CACTIN: variants seen among roughly 807,000 people sequenced by gnomAD.
The protein encoded by CACTIN is splicing factor Cactin.
Under a neutral mutation model 84.9 loss-of-function variants are expected in CACTIN, and 20 were observed. The ratio of observed to expected loss-of-function variants is 0.24; its 90% confidence interval spans 0.17 to 0.34. The LOEUF (loss-of-function observed/expected upper bound fraction) is 0.34. Ranked by LOEUF, CACTIN falls within the 10% of genes least tolerant of loss-of-function variation. The probability of loss-of-function intolerance (pLI) is 1.00; values close to 1 mark genes in which losing one functional copy is unlikely to be tolerated. For missense variants in CACTIN, 897 were observed against 1,117.2 expected (o/e 0.80, Z 2.81); for synonymous variants, 549 against 467.9 (o/e 1.17, Z -2.24).
rs965699374 is a variant in CACTIN, at chr19:3,613,361, C to G, written c.1483G>C (p.Glu495Gln). The G allele has an allele frequency of 2.6e-6, 4 of 1,517,348 alleles. No individual in the cohort carries two copies. The African/African-American group carries it at 5.6e-5, about 21-fold the overall frequency. 94.0% of individuals were successfully genotyped at this position (1,517,348 alleles called of 1,614,324 possible). A position where few individuals can be genotyped will look rare whatever the true frequency, so the allele number is the denominator to read the frequency against. ...QEPQSPSRSLEPEDAAPTPPG... is the reference protein window; with the variant it reads ...QEPQSPSRSLQPEDAAPTPPG... ...GGGGTGGGCGCCGCGTCCTCAGGCT[C>G]CAGGCTGGGAGGAGAGAGCGTTGGA... Residue 495 changes from glutamate to glutamine, a missense_variant, in exon 9 of 10, where the codon GAG (glutamate) becomes CAG (glutamine). Glu to Gln is a conservative substitution (Grantham distance 29). Coordinates refer to ENST00000429344, the MANE Select transcript of CACTIN (RefSeq NM_001080543.2).
Position 3,614,342 on chromosome 19 carries a change from C to T in CACTIN, c.1355+55G>A, listed in dbSNP as rs137954013. 4,129 of 1,521,514 alleles carry T rather than the reference C, an allele frequency of 2.7e-3. 116 individuals are homozygous for T. The East Asian group carries it at 0.052, about 19-fold the overall frequency. 94.3% of individuals were successfully genotyped at this position (1,521,514 alleles called of 1,614,324 possible). On this transcript the variant is annotated intron_variant, in intron 7 of 9. Coordinates refer to ENST00000429344, the MANE Select transcript of CACTIN (RefSeq NM_001080543.2). ...ACCCCACCCAGGACTCAGGAGGGGG[C>T]GAAACCCATCCCACCCGGACGGCAC...
intron 1 of CACTIN, among the ~76,000 whole-genome samples, chr19:3,625,316 G>T (rs1328681469): frequency 6.6e-6 from 1 of 152,158 alleles, no homozygotes; most frequent in Non-Finnish European, 1.5e-5. Context: ...TTAAATATTG[G>T]CCACAAGTTC....
intron 7 of CACTIN, chr19:3,613,810 G>A (rs2033038835): frequency 1.7e-6 from 1 of 594,968 alleles, no homozygotes; most frequent in Non-Finnish European, 2.9e-6. Flanking sequence ...CCATGGCAGG[G>A]AGAGGTGGGT....
rs1568289415 is a variant in CACTIN, at chr19:3,611,342, C to G, written c.*581G>C. 4.4e-6 allele frequency: 2 copies of G among 453,724 alleles called. No individual in the cohort carries two copies. The highest frequency in any genetic ancestry group is 7.0e-5 in the East Asian group (1 of 14,294). The allele number at this position is 453,724 out of a possible 1,614,324, so 28.1% of individuals were successfully genotyped here. A position where few individuals can be genotyped will look rare whatever the true frequency, so the allele number is the denominator to read the frequency against. On this transcript the variant is annotated 3_prime_UTR_variant, in exon 10 of 10. Coordinates refer to ENST00000429344, the MANE Select transcript of CACTIN (RefSeq NM_001080543.2). The stretch of plus-strand genomic sequence containing the variant: ...TCTGCAGTGGCGGATCGGGCGCCAG[C>G]AGGGTCCCGGCCTCAGTGCTGCCTG...
Position 3,618,423 on chromosome 19 carries a change from GA to G in CACTIN, c.1162+451del, listed in dbSNP as rs915738216. ...GTGACCATGTGTGTGCAACCACACGGAGGGGGGGGAAACGTGATTTTAAAAG... is the reference window on the plus strand; with the variant it reads ...GTGACCATGTGTGTGCAACCACACGGGGGGGGGGAAACGTGATTTTAAAAG... On this transcript the variant is annotated intron_variant, in intron 6 of 9. Transcript: ENST00000429344. Among the ~76,000 whole-genome samples the G allele has an allele frequency of 9.2e-4, 140 of 151,536 alleles. 1 individual carries two copies. Among genetic ancestry groups the G allele is most frequent in the African/African-American group, 3.2e-3 (129 of 40,858 alleles).
intron 1 of CACTIN, among the ~76,000 whole-genome samples, chr19:3,625,810 A>T (rs1350246389): frequency 6.6e-6 from 1 of 152,226 alleles, no homozygotes; most frequent in Admixed American, 6.5e-5. Context: ...GTCAGCCACG[A>T]AGGGGCTGAG....
chr19:3,611,193 T>C lies in CACTIN; in HGVS notation c.*730A>G, dbSNP rs1023461614. ...TCAGTGACTTTTGGTTCCCACGACCTTGACAGAGACAGGGACCTCGACGCA... is the reference window on the plus strand; with the variant it reads ...TCAGTGACTTTTGGTTCCCACGACCCTGACAGAGACAGGGACCTCGACGCA... On this transcript the variant is annotated 3_prime_UTR_variant, in exon 10 of 10. Coordinates refer to ENST00000429344, the MANE Select transcript of CACTIN (RefSeq NM_001080543.2). 2.6e-5 allele frequency: 11 copies of C among 416,178 alleles called. No homozygotes were observed. Among genetic ancestry groups the C allele is most frequent in the African/African-American group, 1.9e-4 (9 of 48,504 alleles). 25.8% of individuals were successfully genotyped at this position (416,178 alleles called of 1,614,324 possible).
rs1249494874 is a variant in CACTIN, at chr19:3,610,737, G to A, written c.*1186C>T. On this transcript the variant is annotated 3_prime_UTR_variant, in exon 10 of 10. Coordinates refer to ENST00000429344, the MANE Select transcript of CACTIN (RefSeq NM_001080543.2). ...AAAAGATTTTTTTTCCCACCTACAA[G>A]TCTTTTTAGAGAAACAAACGGAACT... 4.4e-6 allele frequency: 2 copies of A among 457,006 alleles called. No homozygotes were observed. Among genetic ancestry groups the A allele is most frequent in the East Asian group, 1.4e-4 (2 of 14,398 alleles). 28.3% of individuals were successfully genotyped at this position (457,006 alleles called of 1,614,324 possible). A position where few individuals can be genotyped will look rare whatever the true frequency, so the allele number is the denominator to read the frequency against.
chr19:3,622,024 G>C (rs1229875055), intron 2 of CACTIN, among the ~76,000 whole-genome samples: 1 of 152,134 alleles, frequency 6.6e-6, no homozygotes, highest in Non-Finnish European at 1.5e-5. Flanking sequence ...GTCCCCCACA[G>C]GCACATCCCC....
chr19:3,614,035 CGCAAGG>C, intron 7 of CACTIN: 1 of 477,862 alleles, frequency 2.1e-6, no homozygotes, highest in South Asian at 2.3e-5. Context: ...CAGGCCTGGG[CGCAAGG>C]CAGTGGGGAC....
Position 3,610,929 on chromosome 19 carries a change from C to T in CACTIN, c.*994G>A, listed in dbSNP as rs1034837186. ...AACAAGCCTGCCGGCTGGGCCACTC[C>T]GACCTGGGCTGTGGCACCCGTGTGG... On this transcript the variant is annotated 3_prime_UTR_variant, in exon 10 of 10. Transcript: ENST00000429344. The T allele has an allele frequency of 1.3e-5, 6 of 456,620 alleles. No individual in the cohort carries two copies. The highest frequency in any genetic ancestry group is 3.1e-5 in the South Asian group (2 of 64,570). The allele number at this position is 456,620 out of a possible 1,614,324, so 28.3% of individuals were successfully genotyped here.
At chr19:3,618,120 G>A (rs1039111910) in intron 6 of CACTIN, among the ~76,000 whole-genome samples, 1 of 151,794 alleles carries the variant, frequency 6.6e-6, no homozygotes, top group African/African-American at 2.4e-5. Context: ...TACAGCAGCC[G>A]CTGGGGCGTG....
In CACTIN at chr19:3,612,150, C is replaced by T. The variant is rs2032974596; in HGVS notation, c.2050G>A (p.Asp684Asn). The T allele has an allele frequency of 6.2e-7, 1 of 1,613,570 alleles. No individual in the cohort carries two copies. Among genetic ancestry groups the T allele is most frequent in the Non-Finnish European group, 8.5e-7 (1 of 1,179,910 alleles). ...GGCGTGGAGCGCTTGTCGATGAGGT[C>T]GGGGTAGAAGATGTTGAACTTGTAT... is the stretch of plus-strand genomic sequence containing the variant. ...QGYKFNIFYPDLIDKRSTPEY... is the reference protein window; with the variant it reads ...QGYKFNIFYPNLIDKRSTPEY... The change falls in exon 10 of 10, where the codon GAC becomes AAC. Residue 684 changes from aspartate to asparagine, a missense_variant. Physicochemically the swap from Asp to Asn is conservative, Grantham distance 23. Transcript: ENST00000429344.
intron 3 of CACTIN, 31 bp downstream of exon 3, chr19:3,620,676 G>A: frequency 6.4e-7 from 1 of 1,555,734 alleles, no homozygotes; most frequent in Non-Finnish European, 8.8e-7. Flanking sequence ...GAAAGGGAGG[G>A]CCCTGCCCAG....
chr19:3,611,929 C>T lies in CACTIN; in HGVS notation c.2271G>A (p.Arg757=), dbSNP rs45484703. 11,884 of 1,612,928 alleles carry T rather than the reference C, an allele frequency of 7.4e-3. 62 individuals carry two copies. The highest frequency in any genetic ancestry group is 8.9e-3 in the Non-Finnish European group (10,557 of 1,179,736). The change falls in exon 10 of 10, where the codon CGG becomes CGA. Residue 757 remains arginine (R), a synonymous_variant. Coordinates refer to ENST00000429344, the MANE Select transcript of CACTIN (RefSeq NM_001080543.2). ...LWFHFKRYRY[R]R ...CTGCCGTTCCCCAGGGCCGTCACCG[C>T]CGATAGCGGTAGCGCTTGAAGTGAA...
chr19:3,616,992 G>A (rs139692385), intron 6 of CACTIN, among the ~76,000 whole-genome samples: 61 of 152,186 alleles, frequency 4.0e-4, no homozygotes, highest in African/African-American at 1.4e-3. Context: ...GTGATGGCGC[G>A]CGTCTGTAAT....
In CACTIN at chr19:3,624,158, C is replaced by A; in HGVS notation, c.172G>T (p.Asp58Tyr). ...RRRRSRERRS[D>Y]SEEERWQRSG... ...CGCTGCCACCGCTCTTCCTCTGAAT[C>A]TGACCTGCGGAGAGGACCATGGATG... is the stretch of plus-strand genomic sequence containing the variant. Residue 58 changes from aspartate (D) to tyrosine (Y), a missense_variant, in exon 2 of 10, where the codon GAT becomes TAT. Around this residue, in one of 8 missense-constraint regions of CACTIN, gnomAD observed 261 missense variants for 243.8 expected, o/e 1.07. Transcript: ENST00000429344. The A allele has an allele frequency of 1.3e-6, 2 of 1,558,320 alleles. No individual in the cohort carries two copies. Among genetic ancestry groups the A allele is most frequent in the Non-Finnish European group, 1.7e-6 (2 of 1,154,262 alleles).
At chr19:3,621,234 G>T (rs902362712) in intron 2 of CACTIN, among the ~76,000 whole-genome samples, 1 of 152,220 alleles carries the variant, frequency 6.6e-6, no homozygotes, top group Admixed American at 6.5e-5. Context: ...CGTGGGACAG[G>T]GCAGGAACAG....
chr19:3,620,058 C>T (rs1370788311), intron 4 of CACTIN, 69 bp downstream of exon 4: 1 of 1,573,092 alleles, frequency 6.4e-7, no homozygotes, highest in African/African-American at 1.3e-5. Context: ...CAGTGGCTTC[C>T]AGAGTGACAG....
Sources: gnomAD v4.1 joint callset for allele counts (sites outside exome capture counted in the v4.1 genomes callset) on GRCh38, gnomAD v4.1.1 for gene constraint, gnomAD v4.1.1 regional missense constraint, MANE v1.5 for transcripts, NCBI Gene and HGNC (gene_info 2026-07-23, HGNC 2026-07-21) for gene names.